DLGAP1: variants seen among roughly 807,000 people sequenced by gnomAD.
DLGAP1 encodes DLG associated protein 1, also known as disks large-associated protein 1.
A neutral mutation model predicts 90.8 loss-of-function variants in DLGAP1; 11 were observed. The observed-to-expected ratio is 0.12, with a 90% CI of 0.08 to 0.20. The LOEUF (loss-of-function observed/expected upper bound fraction) is 0.20. Among genes scored for constraint, DLGAP1 ranks in the 10% least tolerant of loss-of-function variants. The probability of loss-of-function intolerance (pLI) is 1.00; values close to 1 mark genes in which losing one functional copy is unlikely to be tolerated. For synonymous variants in DLGAP1, 558 were observed against 540.7 expected, an observed-to-expected ratio of 1.03 and a Z score of -0.44; for missense variants, 1,050 against 1,333.8, an observed-to-expected ratio of 0.79 and a Z score of 3.31.
At position 3,845,665 on chromosome 18, in the gene DLGAP1, A is replaced by G. The variant is rs2068965734; in HGVS notation, c.958-31392T>C. 7 of 936,148 alleles carry G rather than the reference A, an allele frequency of 7.5e-6. No homozygotes were observed. In the South Asian group the frequency reaches 3.5e-4, roughly 46 times the overall value. The allele number at this position is 936,148 out of a possible 1,614,324, so 58.0% of individuals were successfully genotyped here. A position where few individuals can be genotyped will look rare whatever the true frequency, so the allele number is the denominator to read the frequency against. On this transcript the variant is annotated intron_variant, in intron 4 of 12. Transcript: ENST00000315677. ...TCACTTTGCAGCCCATATAGGGGGT[A>G]ACGTATATTCTGTCAAATGGAAGTC...
chr18:4,299,085 C>CAAAAAA (rs35327176), intron 1 of DLGAP1, among the ~76,000 whole-genome samples: 25 of 76,282 alleles, frequency 3.3e-4, no homozygotes, highest in African/African-American at 4.4e-4. Context: ...TGTCTCAAGA[C>CAAAAAA]AAAAAAAAAA....
intron 1 of DLGAP1, among the ~76,000 whole-genome samples, chr18:4,301,774 G>C (rs778343543): frequency 2.0e-4 from 31 of 152,050 alleles, no homozygotes; most frequent in Non-Finnish European, 4.4e-4. Flanking sequence ...CAGTGTACAA[G>C]GGTTCCCTTT....
intron 5 of DLGAP1, among the ~76,000 whole-genome samples, chr18:3,772,376 CTTTCTTTCTTTCTT>C (rs1568109220): frequency 0.012 from 240 of 20,826 alleles, 18 homozygotes; most frequent in Non-Finnish European, 0.021. Flanking sequence ...TTCTTTCTTT[CTTTCTTTCTTTCTT>C]TCTTTCTTTC....
At chr18:3,540,104 A>G (rs1474916358) in intron 9 of DLGAP1, among the ~76,000 whole-genome samples, 1 of 152,192 alleles carries the variant, frequency 6.6e-6, no homozygotes, top group Non-Finnish European at 1.5e-5. Flanking sequence ...TGTAAAAACC[A>G]AGATGTCTCA....
chr18:3,637,574 CA>C (rs35620201), intron 7 of DLGAP1, among the ~76,000 whole-genome samples: 2,197 of 94,920 alleles, frequency 0.023, 24 homozygotes, highest in African/African-American at 0.03. Flanking sequence ...TCTCCCCCAC[CA>C]AAAAAAAAAA....
rs140110172 is a variant in DLGAP1 at position 4,025,947 on chromosome 18, A to G, written c.-158-20746T>C. Among the ~76,000 whole-genome samples the G allele has an allele frequency of 8.5e-5, 13 of 152,366 alleles. No individual in the cohort carries two copies. The East Asian group carries it at 2.3e-3, about 27-fold the overall frequency. ...TCTCATCTCTAAAATAGCCAAATAT[A>G]GACAGCCATAAGATAATTAAATCAG... On this transcript the variant is annotated intron_variant, in intron 2 of 12. Transcript: ENST00000315677.
intron 9 of DLGAP1, among the ~76,000 whole-genome samples, chr18:3,555,617 C>T (rs1481449041): frequency 6.6e-6 from 1 of 152,030 alleles, no homozygotes; most frequent in Non-Finnish European, 1.5e-5. Context: ...TCGAGACCAG[C>T]CTGACCAACA....
At chr18:3,788,821 C>T (rs2148202164) in intron 5 of DLGAP1, among the ~76,000 whole-genome samples, 1 of 152,258 alleles carries the variant, frequency 6.6e-6, no homozygotes, top group South Asian at 2.1e-4. Context: ...AAGGGTAGAA[C>T]ACAAAACTAC....
chr18:3,517,270 G>T lies in DLGAP1; in HGVS notation c.2480-8609C>A, dbSNP rs190646690. On this transcript the variant is annotated intron_variant, in intron 10 of 12. Transcript: ENST00000315677. The surrounding 1 kb of genome is among the most constrained non-coding windows in gnomAD (Gnocchi z 4.1). ...GAGCCTGTCCTTTGAAGCTATGAAA[G>T]ACCTACATGGCATCTCCTGCCAATA... 5.0e-3 allele frequency among the ~76,000 whole-genome samples: 767 copies of T among 152,300 alleles called. 9 individuals are homozygous for T. Among genetic ancestry groups the T allele is most frequent in the African/African-American group, 0.018 (737 of 41,560 alleles).
At chr18:3,966,579 T>A (rs2073337303) in intron 3 of DLGAP1, among the ~76,000 whole-genome samples, 1 of 152,088 alleles carries the variant, frequency 6.6e-6, no homozygotes, top group African/African-American at 2.4e-5. Flanking sequence ...CCAAAACTGA[T>A]CAAAGGGGTT....
chr18:3,754,565 T>C, intron 5 of DLGAP1, among the ~76,000 whole-genome samples: 1 of 150,508 alleles, frequency 6.6e-6, no homozygotes, highest in Non-Finnish European at 1.5e-5. Context: ...TATAACTTAC[T>C]ACCATAAAAT....
intron 3 of DLGAP1, among the ~76,000 whole-genome samples, chr18:3,931,587 C>T (rs1429722287): frequency 6.6e-6 from 1 of 152,122 alleles, no homozygotes; most frequent in Admixed American, 6.5e-5. Flanking sequence ...TAATTATGCA[C>T]AAGGTAATTC....
intron 7 of DLGAP1, among the ~76,000 whole-genome samples, chr18:3,686,500 C>G (rs2060707868): frequency 6.6e-6 from 1 of 152,158 alleles, no homozygotes; most frequent in Non-Finnish European, 1.5e-5. Context: ...AGGGCAAAGA[C>G]AGTGTTCCCT....
intron 5 of DLGAP1, among the ~76,000 whole-genome samples, chr18:3,766,856 T>A (rs975916138): frequency 6.6e-6 from 1 of 152,122 alleles, no homozygotes; most frequent in Non-Finnish European, 1.5e-5. Flanking sequence ...ACTAAATGTA[T>A]ATGTTAGAAA....
chr18:4,188,669 T>C (rs570532867), intron 1 of DLGAP1, among the ~76,000 whole-genome samples: 2 of 152,310 alleles, frequency 1.3e-5, no homozygotes, highest in Non-Finnish European at 2.9e-5. Flanking sequence ...GGCTGCATAG[T>C]ATTCCATGGT....
In DLGAP1 at chr18:3,565,705, C is replaced by T. The variant is rs529476036; in HGVS notation, c.2057+1785G>A. Reference sequence around the variant, plus strand: ...CAAAAATTAGCTGGGCGTGATGGTCCGTGCCTGTAGTCCCAGCCACTCGGG... The same window carrying T: ...CAAAAATTAGCTGGGCGTGATGGTCTGTGCCTGTAGTCCCAGCCACTCGGG... On this transcript the variant is annotated intron_variant, in intron 9 of 12. Coordinates refer to ENST00000315677, the MANE Select transcript of DLGAP1 (RefSeq NM_004746.4). This position sits in a 1 kb window ranked among gnomAD's most constrained non-coding sequence, Gnocchi z 4.0. Among the ~76,000 whole-genome samples, 73 of 151,846 alleles carry T rather than the reference C, an allele frequency of 4.8e-4. No homozygotes were observed. The highest frequency in any genetic ancestry group is 4.2e-4 in the South Asian group (2 of 4,806).
intron 1 of DLGAP1, among the ~76,000 whole-genome samples, chr18:4,307,103 GCTTT>G (rs1187183110): frequency 6.6e-6 from 1 of 152,162 alleles, no homozygotes; most frequent in Non-Finnish European, 1.5e-5. Flanking sequence ...ACACAGTGAG[GCTTT>G]CTTTGAGCAC....
At chr18:4,178,392 A>T (rs1236657111) in intron 1 of DLGAP1, among the ~76,000 whole-genome samples, 3 of 152,058 alleles carry the variant, frequency 2.0e-5, no homozygotes, top group African/African-American at 7.2e-5. Flanking sequence ...TGCTTACTTG[A>T]TTCTAAAACA....
chr18:4,427,075 C>A (rs1267313618), intron 1 of DLGAP1, among the ~76,000 whole-genome samples: 2 of 152,146 alleles, frequency 1.3e-5, no homozygotes, highest in East Asian at 1.9e-4. Flanking sequence ...TATGAAGATG[C>A]ATGAAAACTA....
Sources: allele counts gnomAD v4.1 joint callset (sites outside exome capture counted in the v4.1 genomes callset), GRCh38; gene constraint gnomAD v4.1.1; non-coding constraint Gnocchi (gnomAD v3.1); transcripts MANE v1.5; gene names NCBI Gene and HGNC (gene_info 2026-07-23, HGNC 2026-07-21).